The following SLIT2 variants were observed in gnomAD, a reference collection of about 807,000 sequenced individuals.
SLIT2 encodes the protein slit guidance ligand 2.
SLIT2 carries 41 observed loss-of-function variants against 185.7 expected under a neutral mutation model. That is an observed-to-expected ratio of 0.22 (90% CI 0.17 to 0.29). The LOEUF (loss-of-function observed/expected upper bound fraction) is 0.29. Ranked by LOEUF, SLIT2 falls within the 10% of genes least tolerant of loss-of-function variation. The probability of loss-of-function intolerance (pLI) is 1.00; values close to 1 mark genes in which losing one functional copy is unlikely to be tolerated. For synonymous variants in SLIT2, 693 were observed against 680.2 expected, an observed-to-expected ratio of 1.02 and a Z score of -0.29; for missense variants, 1,571 against 1,909.0, an observed-to-expected ratio of 0.82 and a Z score of 3.30.
chr4:20,374,088 A>G (rs981963282), intron 4 of SLIT2, among the ~76,000 whole-genome samples: 3 of 152,096 alleles, frequency 2.0e-5, no homozygotes, highest in African/African-American at 7.2e-5. Context: ...AGTCATTAGC[A>G]TCACTTCCCT....
At chr4:20,463,450 TATATA>T (rs1328389168) in intron 4 of SLIT2, among the ~76,000 whole-genome samples, 1 of 20,554 alleles carries the variant, frequency 4.9e-5, no homozygotes, top group Non-Finnish European at 9.3e-5. Context: ...CAAACTGTGA[TATATA>T]TATATATATA....
chr4:20,376,413 G>C (rs1452962763), intron 4 of SLIT2, among the ~76,000 whole-genome samples: 1 of 151,938 alleles, frequency 6.6e-6, no homozygotes, highest in Non-Finnish European at 1.5e-5. Flanking sequence ...TTTTTAATAT[G>C]AGATAATTCC....
chr4:20,479,934 A>C (rs918217050), intron 5 of SLIT2, among the ~76,000 whole-genome samples: 1 of 152,172 alleles, frequency 6.6e-6, no homozygotes, highest in South Asian at 2.1e-4. Context: ...TATGTTTCTT[A>C]GTGGCTTTAA....
At chr4:20,406,081 T>C (rs1205753662) in intron 4 of SLIT2, among the ~76,000 whole-genome samples, 2 of 143,500 alleles carry the variant, frequency 1.4e-5, no homozygotes, top group Non-Finnish European at 3.1e-5. Flanking sequence ...ATCTTCTCAA[T>C]AATGGTCCCA....
chr4:20,588,889 C>T (rs1453783827), intron 29 of SLIT2, among the ~76,000 whole-genome samples: 2 of 152,104 alleles, frequency 1.3e-5, no homozygotes, highest in Non-Finnish European at 2.9e-5. Context: ...ATATATGTTC[C>T]CTGTCTCTGT....
intron 4 of SLIT2, among the ~76,000 whole-genome samples, chr4:20,345,890 G>A (rs1030169881): frequency 2.0e-5 from 3 of 152,008 alleles, no homozygotes; most frequent in African/African-American, 4.8e-5. Context: ...TCTTCATGGA[G>A]CCAGTTTCCT....
chr4:20,610,063 T>C lies in SLIT2; in HGVS notation c.3743T>C (p.Leu1248Ser). The change falls in exon 34 of 37, where the codon TTG becomes TCG. Residue 1248 changes from leucine (L) to serine (S), a missense_variant. Leu to Ser is a moderately radical substitution (Grantham distance 145, BLOSUM62 -2). Transcript: ENST00000504154. ...TTCCACATTGTGGAACTACTTGCCT[T>C]GGATCAGAGTCTCTCTTTGTCCGTG... Reference protein sequence around the residue: ...GNFHIVELLALDQSLSLSVDG... With the variant: ...GNFHIVELLASDQSLSLSVDG... 2 of 1,613,766 alleles carry C rather than the reference T, an allele frequency of 1.2e-6. No homozygotes were observed. The highest frequency in any genetic ancestry group is 1.7e-6 in the Non-Finnish European group (2 of 1,179,738).
intron 4 of SLIT2, among the ~76,000 whole-genome samples, chr4:20,441,499 TC>T (rs1456229256): frequency 2.9e-4 from 42 of 146,228 alleles, no homozygotes; most frequent in Non-Finnish European, 5.1e-4. Context: ...TCTCTCTCTC[TC>T]TCGCCCCCCC....
At chr4:20,590,063 G>A (rs970567436) in intron 30 of SLIT2, among the ~76,000 whole-genome samples, 7 of 151,600 alleles carry the variant, frequency 4.6e-5, no homozygotes, top group African/African-American at 1.7e-4. Flanking sequence ...CCGCCACCAC[G>A]CCTGGCTAAT....
At chr4:20,574,553 G>A (rs1219136140) in intron 29 of SLIT2, among the ~76,000 whole-genome samples, 1 of 152,090 alleles carries the variant, frequency 6.6e-6, no homozygotes, top group African/African-American at 2.4e-5. Flanking sequence ...TTGGGAGGCC[G>A]AGGCAGGTGG....
chr4:20,511,867 C>T (rs1467982476), intron 11 of SLIT2, among the ~76,000 whole-genome samples: 1 of 151,610 alleles, frequency 6.6e-6, no homozygotes, highest in Non-Finnish European at 1.5e-5. Context: ...TGAGAGGAAA[C>T]CTCCACTCTT....
chr4:20,343,802 TAAA>T (rs34514669), intron 4 of SLIT2, among the ~76,000 whole-genome samples: 2 of 130,604 alleles, frequency 1.5e-5, no homozygotes, highest in East Asian at 2.2e-4. Flanking sequence ...TCCTTAAAAC[TAAA>T]AAAAAAAAAA....
chr4:20,260,325 A>G (rs1712320722), intron 3 of SLIT2, among the ~76,000 whole-genome samples: 1 of 151,854 alleles, frequency 6.6e-6, no homozygotes, highest in South Asian at 2.1e-4. Flanking sequence ...GTAAATTTAT[A>G]TGGTTTTTAA....
chr4:20,501,972 T>A (rs1048174279), intron 9 of SLIT2, among the ~76,000 whole-genome samples: 13 of 151,924 alleles, frequency 8.6e-5, no homozygotes, highest in Non-Finnish European at 1.8e-4. Context: ...TCATTTATAT[T>A]TTTTTTTTGC....
chr4:20,255,061 G>T (rs1048130888), intron 1 of SLIT2: 2 of 456,278 alleles, frequency 4.4e-6, no homozygotes, highest in South Asian at 3.1e-5. Flanking sequence ...CCCCGCGCCA[G>T]TCCGGCCGCC....
chr4:20,589,417 C>T lies in SLIT2; in HGVS notation c.3089-227C>T, dbSNP rs77104656. Among the ~76,000 whole-genome samples the T allele has an allele frequency of 4.6e-3, 706 of 152,328 alleles. 9 individuals carry two copies. The highest frequency in any genetic ancestry group is 0.016 in the African/African-American group (664 of 41,578). On this transcript the variant is annotated intron_variant, in intron 29 of 36. Transcript: ENST00000504154. ...GGGTGCTCATATTAGTCACAGATCA[C>T]AATAGTCCTGTTGTCCAAAATCACA...
chr4:20,311,458 G>A (rs6833323), intron 4 of SLIT2, among the ~76,000 whole-genome samples: 5,255 of 152,140 alleles, frequency 0.035, 241 homozygotes, highest in East Asian at 0.13. Flanking sequence ...GATGTAACAA[G>A]TTATTATAGG....
Position 20,467,846 on chromosome 4 carries a change from A to G in SLIT2, c.467+23A>G, listed in dbSNP as rs1232547544. ...TTTGTAAGTATCTATTTTTAAATTT[A>G]TAGTGTTTTAAGTCATTATCTATTT... On this transcript the variant is annotated intron_variant, in intron 5 of 36. Coordinates refer to ENST00000504154, the MANE Select transcript of SLIT2 (RefSeq NM_004787.4). The G allele has an allele frequency of 9.5e-6, 12 of 1,263,566 alleles. No individual in the cohort carries two copies. The Middle Eastern group carries it at 1.3e-3, about 142-fold the overall frequency. 78.3% of individuals were successfully genotyped at this position (1,263,566 alleles called of 1,614,324 possible).
At chr4:20,331,997 T>C (rs1253000687) in intron 4 of SLIT2, among the ~76,000 whole-genome samples, 1 of 152,214 alleles carries the variant, frequency 6.6e-6, no homozygotes, top group Non-Finnish European at 1.5e-5. Context: ...TGCATGGATA[T>C]GCCTTACTTT....
Sources: allele counts gnomAD v4.1 joint callset (sites outside exome capture counted in the v4.1 genomes callset), GRCh38; gene constraint gnomAD v4.1.1; transcripts MANE v1.5; gene names NCBI Gene and HGNC (gene_info 2026-07-23, HGNC 2026-07-21).